Variants in CNTNAP2 observed in about 807,000 individuals in gnomAD.
The protein encoded by CNTNAP2 is contactin associated protein 2, also known as contactin-associated protein-like 2.
A neutral mutation model predicts 155.2 loss-of-function variants in CNTNAP2; 98 were observed. The observed-to-expected ratio is 0.63, with a 90% confidence interval of 0.54 to 0.75. The LOEUF is 0.75. Among genes scored for constraint, CNTNAP2 ranks in the 30% least tolerant of loss-of-function variants. The probability of loss-of-function intolerance (pLI) is 0.00; values close to 1 mark genes in which losing one functional copy is unlikely to be tolerated. For synonymous variants in CNTNAP2, 651 were observed against 631.2 expected (o/e 1.03, Z -0.47); for missense variants, 1,727 against 1,688.1 (o/e 1.02, Z -0.40).
chr7:146,670,991 G>A (rs1475139417), intron 1 of CNTNAP2, among the ~76,000 whole-genome samples: 1 of 152,006 alleles, frequency 6.6e-6, no homozygotes, highest in Non-Finnish European at 1.5e-5. Flanking sequence ...TAATTCTTAG[G>A]ACCTAGCACT....
At chr7:148,109,661 G>A (rs1004381161) in intron 15 of CNTNAP2, among the ~76,000 whole-genome samples, 1 of 117,458 alleles carries the variant, frequency 8.5e-6, no homozygotes, top group Non-Finnish European at 1.6e-5. Context: ...TGGGATTACA[G>A]GCGTTGAGAT....
At chr7:146,942,641 A>C (rs1286657191) in intron 3 of CNTNAP2, among the ~76,000 whole-genome samples, 2 of 152,196 alleles carry the variant, frequency 1.3e-5, no homozygotes, top group Admixed American at 6.5e-5. Flanking sequence ...GAAAAGACAC[A>C]GGAGTGGCCA....
intron 1 of CNTNAP2, among the ~76,000 whole-genome samples, chr7:146,689,555 C>T (rs1474441092): frequency 1.3e-5 from 2 of 152,030 alleles, no homozygotes; most frequent in Non-Finnish European, 2.9e-5. Context: ...TCTGTCTGTA[C>T]CTCATAATTA....
chr7:147,133,129 A>G (rs1313153950), intron 8 of CNTNAP2, among the ~76,000 whole-genome samples: 12 of 152,130 alleles, frequency 7.9e-5, no homozygotes, highest in Admixed American at 6.6e-4. Context: ...CTTAGGTAAT[A>G]TTCTTGTTAT....
At chr7:146,303,072 ATGTGTGTGTGTGTGTG>A (rs60828609) in intron 1 of CNTNAP2, among the ~76,000 whole-genome samples, 1 of 136,380 alleles carries the variant, frequency 7.3e-6, no homozygotes, top group South Asian at 2.5e-4. Flanking sequence ...CTTTGTGTGC[ATGTGTGTGTGTGTGTG>A]TGTGTGTGTG....
At chr7:148,414,011 G>T (rs1043342644) in intron 23 of CNTNAP2, among the ~76,000 whole-genome samples, 1 of 151,536 alleles carries the variant, frequency 6.6e-6, no homozygotes, top group African/African-American at 2.4e-5. Flanking sequence ...GGAGTGTTTA[G>T]ATCAGTTATA....
chr7:148,170,172 A>T (rs1805753104), intron 17 of CNTNAP2, among the ~76,000 whole-genome samples: 1 of 152,250 alleles, frequency 6.6e-6, no homozygotes, highest in South Asian at 2.1e-4. Context: ...AGTGACCACA[A>T]TGACTATTAC....
intron 1 of CNTNAP2, among the ~76,000 whole-genome samples, chr7:146,567,066 C>T (rs1306809304): frequency 1.3e-5 from 2 of 152,098 alleles, no homozygotes; most frequent in African/African-American, 2.4e-5. Flanking sequence ...TGTAATCATA[C>T]TGTATAGTTG....
At chr7:146,577,484 G>T (rs1798543539) in intron 1 of CNTNAP2, among the ~76,000 whole-genome samples, 1 of 152,038 alleles carries the variant, frequency 6.6e-6, no homozygotes, top group Admixed American at 6.5e-5. Flanking sequence ...CCAACATGTA[G>T]ATTTAAACAA....
chr7:147,670,219 C>T (rs1013224785), intron 13 of CNTNAP2, among the ~76,000 whole-genome samples: 1 of 152,070 alleles, frequency 6.6e-6, no homozygotes, highest in Non-Finnish European at 1.5e-5. Flanking sequence ...GTTCTTGAGT[C>T]CATGTGGTCT....
intron 13 of CNTNAP2, among the ~76,000 whole-genome samples, chr7:147,693,663 A>G (rs574189460): frequency 1.3e-5 from 2 of 150,554 alleles, no homozygotes; most frequent in African/African-American, 4.9e-5. Context: ...AAAGTGATTG[A>G]CTCTTGTACT....
intron 1 of CNTNAP2, among the ~76,000 whole-genome samples, chr7:146,530,419 A>T (rs1466005232): frequency 6.6e-6 from 1 of 152,212 alleles, no homozygotes; most frequent in Non-Finnish European, 1.5e-5. Context: ...TCAGGGGAAA[A>T]AAAAAGAGCA....
At chr7:147,234,952 A>G (rs576644336) in intron 8 of CNTNAP2, among the ~76,000 whole-genome samples, 5 of 152,118 alleles carry the variant, frequency 3.3e-5, no homozygotes, top group African/African-American at 1.2e-4. Context: ...TTGATGGTTA[A>G]TGTTATGTGA....
At chr7:147,126,175 T>C (rs1801230368) in intron 6 of CNTNAP2, among the ~76,000 whole-genome samples, 1 of 152,148 alleles carries the variant, frequency 6.6e-6, no homozygotes, top group Non-Finnish European at 1.5e-5. Flanking sequence ...TGTGCCCAGC[T>C]GAAAAGCATT....
At chr7:147,043,789 G>C in intron 3 of CNTNAP2, 118 bp from the exon 4 acceptor site, 1 of 1,225,454 alleles carries the variant, frequency 8.2e-7, no homozygotes, top group Non-Finnish European at 1.2e-6. Flanking sequence ...ATTATTTACG[G>C]TGTAAGAAAT....
intron 10 of CNTNAP2, among the ~76,000 whole-genome samples, chr7:147,410,584 G>C (rs1797087003): frequency 6.6e-6 from 1 of 152,152 alleles, no homozygotes; most frequent in South Asian, 2.1e-4. Context: ...CAGGTAGTGA[G>C]ATACTGGATT....
intron 15 of CNTNAP2, among the ~76,000 whole-genome samples, chr7:148,112,065 G>A (rs1353068375): frequency 6.6e-6 from 1 of 152,172 alleles, no homozygotes; most frequent in Non-Finnish European, 1.5e-5. Context: ...GGGAACAGAG[G>A]AAAGAGAGCC....
intron 3 of CNTNAP2, among the ~76,000 whole-genome samples, chr7:146,873,889 T>G (rs759317199): frequency 2.0e-5 from 3 of 152,030 alleles, no homozygotes; most frequent in Non-Finnish European, 4.4e-5. Flanking sequence ...GATATTGATT[T>G]AAAAATATTA....
At chr7:146,780,116 G>A (rs969627202) in intron 2 of CNTNAP2, among the ~76,000 whole-genome samples, 44 of 152,036 alleles carry the variant, frequency 2.9e-4, no homozygotes, top group Non-Finnish European at 5.6e-4. Context: ...ATGGTTCAAC[G>A]AATTTACACT....
Sources: allele counts gnomAD v4.1 joint callset (sites outside exome capture counted in the v4.1 genomes callset), GRCh38; gene constraint gnomAD v4.1.1; transcripts MANE v1.5; gene names NCBI Gene and HGNC (gene_info 2026-07-23, HGNC 2026-07-21).